SLC24A3: variants seen among roughly 807,000 people sequenced by gnomAD.
SLC24A3 encodes solute carrier family 24 member 3, also known as sodium/potassium/calcium exchanger 3.
In SLC24A3, 28 loss-of-function variants were observed where a neutral mutation model predicts 75.8. That is an observed-to-expected ratio of 0.37 (90% CI 0.27 to 0.51). The LOEUF (loss-of-function observed/expected upper bound fraction) is 0.51, where lower values mean the gene tolerates loss of function less well. Ranked by LOEUF, SLC24A3 falls within the 20% of genes least tolerant of loss-of-function variation. SLC24A3 has a pLI of 0.94. For missense variants in SLC24A3, 663 were observed against 847.8 expected (o/e 0.78, Z 2.71); for synonymous variants, 372 against 334.1 (o/e 1.11, Z -1.24).
At chr20:19,711,606 A>G (rs2032994110) in intron 15 of SLC24A3, among the ~76,000 whole-genome samples, 3 of 152,114 alleles carry the variant, frequency 2.0e-5, no homozygotes, top group Middle Eastern at 3.4e-3. Context: ...GCACACAAAC[A>G]CACACACCCA....
At chr20:19,678,217 G>C (rs1335004904) in intron 9 of SLC24A3, among the ~76,000 whole-genome samples, 2 of 150,062 alleles carry the variant, frequency 1.3e-5, no homozygotes, top group African/African-American at 4.9e-5. Flanking sequence ...TCAATGAGCT[G>C]TTGGGCACAC....
intron 2 of SLC24A3, among the ~76,000 whole-genome samples, chr20:19,291,707 C>T (rs6112290): frequency 0.059 from 9,058 of 152,274 alleles, 590 homozygotes; most frequent in African/African-American, 0.17. Flanking sequence ...GTGGCTCATC[C>T]ATCCCTGTCA....
At chr20:19,287,153 A>T (rs558976665) in intron 2 of SLC24A3, among the ~76,000 whole-genome samples, 1 of 152,372 alleles carries the variant, frequency 6.6e-6, no homozygotes, top group East Asian at 1.9e-4. Context: ...TTCTCATGGA[A>T]TGTTCTAGTC....
chr20:19,278,242 G>A (rs1983547961), intron 1 of SLC24A3, among the ~76,000 whole-genome samples: 1 of 152,176 alleles, frequency 6.6e-6, no homozygotes, highest in Non-Finnish European at 1.5e-5. Flanking sequence ...CACATCTTAG[G>A]TGTCTGAGAT....
At chr20:19,213,936 G>GAAACA (rs371023924) in intron 1 of SLC24A3, among the ~76,000 whole-genome samples, 22 of 152,150 alleles carry the variant, frequency 1.4e-4, no homozygotes, top group Admixed American at 3.9e-4. Flanking sequence ...TTGTGAGAAA[G>GAAACA]AAACAAAACA....
intron 2 of SLC24A3, among the ~76,000 whole-genome samples, chr20:19,514,720 C>T (rs1008067573): frequency 6.6e-6 from 1 of 152,170 alleles, no homozygotes; most frequent in Non-Finnish European, 1.5e-5. Context: ...TGGTGGAGGA[C>T]CTTCTTGGGA....
chr20:19,513,716 G>T (rs1249309187), intron 2 of SLC24A3, among the ~76,000 whole-genome samples: 7 of 145,634 alleles, frequency 4.8e-5, no homozygotes, highest in African/African-American at 1.8e-4. Context: ...TAGACACACA[G>T]GTGGGTCTTG....
intron 9 of SLC24A3, among the ~76,000 whole-genome samples, chr20:19,678,059 G>T (rs1254831916): frequency 3.3e-5 from 5 of 151,354 alleles, no homozygotes; most frequent in African/African-American, 1.2e-4. Flanking sequence ...CAAGGCAGAA[G>T]AATTTTTCTT....
intron 2 of SLC24A3, among the ~76,000 whole-genome samples, chr20:19,486,729 A>T (rs555854344): frequency 6.6e-6 from 1 of 152,284 alleles, no homozygotes; most frequent in East Asian, 1.9e-4. Flanking sequence ...AATTTTAGGG[A>T]CTATAAGTAT....
At chr20:19,698,252 C>T (rs1360702071) in intron 14 of SLC24A3, among the ~76,000 whole-genome samples, 1 of 152,220 alleles carries the variant, frequency 6.6e-6, no homozygotes, top group Non-Finnish European at 1.5e-5. Context: ...AGCCTCACCT[C>T]CAACACTGGG....
intron 6 of SLC24A3, among the ~76,000 whole-genome samples, chr20:19,595,999 T>A (rs1372641815): frequency 6.6e-6 from 1 of 151,988 alleles, no homozygotes; most frequent in Non-Finnish European, 1.5e-5. Context: ...TGGAGCCTGG[T>A]GAAGAAGGGG....
At chr20:19,460,667 CGT>C (rs1177972938) in intron 2 of SLC24A3, among the ~76,000 whole-genome samples, 3 of 152,072 alleles carry the variant, frequency 2.0e-5, no homozygotes, top group African/African-American at 7.2e-5. Context: ...TTTATTTGGA[CGT>C]GTTTCCCTCC....
At chr20:19,656,619 AAAT>A (rs1372963997) in intron 7 of SLC24A3, among the ~76,000 whole-genome samples, 4 of 152,034 alleles carry the variant, frequency 2.6e-5, no homozygotes, top group Non-Finnish European at 4.4e-5. Context: ...TTTTTGAAAA[AAAT>A]TTTTTTTCAA....
chr20:19,346,216 G>A (rs1268507030), intron 2 of SLC24A3, among the ~76,000 whole-genome samples: 1 of 82,006 alleles, frequency 1.2e-5, no homozygotes, highest in Non-Finnish European at 2.3e-5. Context: ...TATATATGGT[G>A]TATATGTATA....
At chr20:19,552,609 T>C (rs2030714761) in intron 3 of SLC24A3, among the ~76,000 whole-genome samples, 1 of 152,210 alleles carries the variant, frequency 6.6e-6, no homozygotes, top group Non-Finnish European at 1.5e-5. Context: ...GCAAGGAGGC[T>C]GAATACAATT....
intron 6 of SLC24A3, among the ~76,000 whole-genome samples, chr20:19,590,612 C>T (rs745527101): frequency 7.2e-5 from 11 of 152,302 alleles, no homozygotes; most frequent in Admixed American, 4.6e-4. Flanking sequence ...CAGGAGCCAG[C>T]GTGCTTCCGT....
intron 3 of SLC24A3, among the ~76,000 whole-genome samples, chr20:19,575,772 C>A (rs2031126421): frequency 6.6e-6 from 1 of 152,130 alleles, no homozygotes; most frequent in Non-Finnish European, 1.5e-5. Flanking sequence ...TTTTGTAGTG[C>A]ATCTGGTAAA....
chr20:19,677,686 C>CTTTTTTTTTTTTTTTTTTTTTTTTTTTT (rs796484728), intron 9 of SLC24A3, among the ~76,000 whole-genome samples: 1 of 113,930 alleles, frequency 8.8e-6, no homozygotes, highest in African/African-American at 3.3e-5. Context: ...TTTTTTTTTT[C>CTTTTTTTTTTTTTTTTTTTTTTTTTTTT]TTTTTTTTTT....
At chr20:19,500,153 T>C (rs1226492395) in intron 2 of SLC24A3, among the ~76,000 whole-genome samples, 1 of 152,234 alleles carries the variant, frequency 6.6e-6, no homozygotes, top group Non-Finnish European at 1.5e-5. Context: ...GGTCTTTGAA[T>C]CTTTCTCAAG....
Sources: allele counts gnomAD v4.1 joint callset (sites outside exome capture counted in the v4.1 genomes callset), GRCh38; gene constraint gnomAD v4.1.1; transcripts MANE v1.5; gene names NCBI Gene and HGNC (gene_info 2026-07-23, HGNC 2026-07-21).